Variants in TTC28 observed in about 807,000 individuals in gnomAD.
TTC28 encodes the protein tetratricopeptide repeat domain 28, also known as tetratricopeptide repeat protein 28.
TTC28 carries 61 observed loss-of-function variants against 198.0 expected under a neutral mutation model. That is an observed-to-expected ratio of 0.31 (90% confidence interval 0.25 to 0.38). TTC28 has a LOEUF of 0.38. TTC28 is among the 10% of genes least tolerant of loss of function. TTC28 has a pLI of 1.00. For missense variants in TTC28, 2,678 were observed against 3,164.0 expected (o/e 0.85, Z 3.69); for synonymous variants, 1,171 against 1,297.8 (o/e 0.90, Z 2.10).
At chr22:28,072,840 A>G (rs1941044262) in intron 12 of TTC28, among the ~76,000 whole-genome samples, 1 of 152,206 alleles carries the variant, frequency 6.6e-6, no homozygotes, top group African/African-American at 2.4e-5. Flanking sequence ...TGGGACACAC[A>G]ATGGGGCCTC....
chr22:27,996,056 G>A (rs962443534), intron 17 of TTC28, 79 bp downstream of exon 17: 100 of 1,491,932 alleles, frequency 6.7e-5, no homozygotes, highest in Middle Eastern at 5.2e-4. Context: ...TCACATCCCC[G>A]TGTAGGGAAA....
Position 28,549,806 on chromosome 22 carries a change from A to C in TTC28, c.381+79746T>G, listed in dbSNP as rs187911696. Among the ~76,000 whole-genome samples, 8 of 152,350 alleles carry C rather than the reference A, an allele frequency of 5.3e-5. No individual in the cohort carries two copies. In the East Asian group the frequency reaches 9.6e-4, roughly 18 times the overall value. On this transcript the variant is annotated intron_variant, in intron 2 of 22. Transcript: ENST00000397906. ...CTTGATTTGCTAACTGGAAGAGATAAGTCACTGTAAAATTCATGGTCTTCA... is the reference window on the plus strand; with the variant it reads ...CTTGATTTGCTAACTGGAAGAGATACGTCACTGTAAAATTCATGGTCTTCA...
At chr22:28,197,912 T>C (rs1925535803) in intron 5 of TTC28, among the ~76,000 whole-genome samples, 1 of 152,078 alleles carries the variant, frequency 6.6e-6, no homozygotes, top group Admixed American at 6.6e-5. Context: ...AAAATTCATC[T>C]TCATTAGTGA....
chr22:28,315,955 T>G (rs2045344915), intron 2 of TTC28, among the ~76,000 whole-genome samples: 2 of 152,208 alleles, frequency 1.3e-5, no homozygotes, highest in African/African-American at 4.8e-5. Context: ...GTGCTGTTTT[T>G]ACAGTTAAAT....
chr22:28,037,717 G>A (rs1300890067), intron 12 of TTC28, among the ~76,000 whole-genome samples: 4 of 152,158 alleles, frequency 2.6e-5, no homozygotes, highest in Non-Finnish European at 5.9e-5. Flanking sequence ...AGGAAAAGAG[G>A]AAGTCAAAGT....
At chr22:28,197,136 C>G (rs1321904418) in intron 5 of TTC28, among the ~76,000 whole-genome samples, 4 of 151,960 alleles carry the variant, frequency 2.6e-5, no homozygotes, top group Non-Finnish European at 5.9e-5. Flanking sequence ...ATGGATGAAG[C>G]TGGAAACCAT....
At chr22:28,677,638 C>CA (rs879920719) in intron 1 of TTC28, among the ~76,000 whole-genome samples, 13 of 151,292 alleles carry the variant, frequency 8.6e-5, no homozygotes, top group Non-Finnish European at 1.5e-4. Flanking sequence ...GACTCTGTCT[C>CA]AAAAAAATAA....
chr22:28,300,080 C>T (rs1444187174), intron 3 of TTC28, among the ~76,000 whole-genome samples: 1 of 152,208 alleles, frequency 6.6e-6, no homozygotes, highest in Non-Finnish European at 1.5e-5. Flanking sequence ...GAATGCCACC[C>T]TTGGAAAATC....
rs987425495 is a variant in TTC28 at position 28,014,170 on chromosome 22, G to A, written c.4218+78C>T. 2.7e-6 allele frequency: 4 copies of A among 1,474,432 alleles called. No homozygotes were observed. In the African/African-American group the frequency reaches 4.2e-5, roughly 16 times the overall value. The allele number at this position is 1,474,432 out of a possible 1,614,324, so 91.3% of individuals were successfully genotyped here. A position where few individuals can be genotyped will look rare whatever the true frequency, so the allele number is the denominator to read the frequency against. ...CTCGGGAGCCCATTTTGGTGTCTAAGAGGGATACATGTGGGCGCTGACTGG... is the reference window on the plus strand; with the variant it reads ...CTCGGGAGCCCATTTTGGTGTCTAAAAGGGATACATGTGGGCGCTGACTGG... On this transcript the variant is annotated intron_variant, in intron 14 of 22. Transcript: ENST00000397906.
At chr22:28,220,354 G>C (rs1171699983) in intron 5 of TTC28, among the ~76,000 whole-genome samples, 3 of 152,214 alleles carry the variant, frequency 2.0e-5, no homozygotes, top group Non-Finnish European at 4.4e-5. Flanking sequence ...CTGTGAGTAA[G>C]GAGTCCAGGC....
At chr22:28,300,152 C>T (rs1274103466) in intron 3 of TTC28, among the ~76,000 whole-genome samples, 1 of 152,196 alleles carries the variant, frequency 6.6e-6, no homozygotes, top group African/African-American at 2.4e-5. Flanking sequence ...CTTCTTTGAA[C>T]CTTTAGCTTC....
chr22:28,009,531 C>T (rs1481523837), intron 14 of TTC28, among the ~76,000 whole-genome samples: 3 of 152,222 alleles, frequency 2.0e-5, no homozygotes, highest in African/African-American at 7.2e-5. Context: ...TGGAGCAGTG[C>T]GTGGGTGCTT....
At chr22:28,142,113 G>A (rs1212687876) in intron 6 of TTC28, among the ~76,000 whole-genome samples, 1 of 152,162 alleles carries the variant, frequency 6.6e-6, no homozygotes, top group Non-Finnish European at 1.5e-5. Flanking sequence ...ATTCTTACTA[G>A]ACATTCTCCC....
intron 2 of TTC28, among the ~76,000 whole-genome samples, chr22:28,571,244 C>T (rs1470175578): frequency 6.6e-6 from 1 of 152,164 alleles, no homozygotes; most frequent in Non-Finnish European, 1.5e-5. Flanking sequence ...TTCTACCCGA[C>T]TAAATTTTCT....
At chr22:28,153,397 A>T (rs1158970515) in intron 6 of TTC28, among the ~76,000 whole-genome samples, 3 of 93,352 alleles carry the variant, frequency 3.2e-5, no homozygotes, top group Non-Finnish European at 8.6e-5. Flanking sequence ...CAAAGAATTA[A>T]AAAAAAAAAA....
At chr22:28,245,154 G>A (rs1022894095) in intron 5 of TTC28, among the ~76,000 whole-genome samples, 2 of 152,140 alleles carry the variant, frequency 1.3e-5, no homozygotes, top group Non-Finnish European at 2.9e-5. Flanking sequence ...ACAAATGGTA[G>A]GGAACAGTAG....
intron 14 of TTC28, among the ~76,000 whole-genome samples, chr22:28,013,704 G>A (rs1292022911): frequency 3.3e-5 from 5 of 152,162 alleles, no homozygotes; most frequent in Non-Finnish European, 5.9e-5. Context: ...GGGTGTGGGC[G>A]CAAGGTGCAA....
chr22:28,048,036 G>T (rs1457361162), intron 12 of TTC28, among the ~76,000 whole-genome samples: 2 of 151,994 alleles, frequency 1.3e-5, no homozygotes, highest in Admixed American at 1.3e-4. Context: ...CCACCATCCT[G>T]TGCAATAGGA....
intron 2 of TTC28, among the ~76,000 whole-genome samples, chr22:28,589,308 C>T (rs1394876472): frequency 6.6e-6 from 1 of 152,148 alleles, no homozygotes; most frequent in African/African-American, 2.4e-5. Flanking sequence ...GAAATGGAGT[C>T]ACTCATGTTT....
Sources: allele counts gnomAD v4.1 joint callset (sites outside exome capture counted in the v4.1 genomes callset), GRCh38; gene constraint gnomAD v4.1.1; transcripts MANE v1.5; gene names NCBI Gene and HGNC (gene_info 2026-07-23, HGNC 2026-07-21).